HDAC4: variants seen among roughly 807,000 people sequenced by gnomAD.
HDAC4 encodes the protein histone deacetylase 4.
In HDAC4, 16 loss-of-function variants were observed where a neutral mutation model predicts 135.1. The observed-to-expected ratio is 0.12, with a 90% CI of 0.08 to 0.18. HDAC4 has a LOEUF of 0.18. HDAC4 is among the 10% of genes least tolerant of loss of function. The probability of loss-of-function intolerance (pLI) is 1.00; values close to 1 mark genes in which losing one functional copy is unlikely to be tolerated. For synonymous variants in HDAC4, 685 were observed against 653.4 expected (o/e 1.05, Z -0.74); for missense variants, 1,143 against 1,511.8 (o/e 0.76, Z 4.05).
At chr2:239,384,451 CA>C (rs5839742) in intron 1 of HDAC4, among the ~76,000 whole-genome samples, 46,675 of 94,782 alleles carry the variant, frequency 0.49, 9,077 homozygotes, top group East Asian at 0.75. Context: ...CCTGTCTCTA[CA>C]AAAAAAAAAA....
At chr2:239,182,731 C>T (rs956049943) in intron 4 of HDAC4, among the ~76,000 whole-genome samples, 8 of 152,202 alleles carry the variant, frequency 5.3e-5, no homozygotes, top group East Asian at 1.9e-4. Flanking sequence ...CAAGCTGAGA[C>T]GTCAGGCCTG....
At chr2:239,128,877 G>A (rs2040378379) in intron 11 of HDAC4, among the ~76,000 whole-genome samples, 2 of 152,026 alleles carry the variant, frequency 1.3e-5, no homozygotes, top group African/African-American at 4.8e-5. Flanking sequence ...ACACGGTAAG[G>A]AACAAGCGAC....
In HDAC4 at chr2:239,135,143, G is replaced by A. The variant is rs568115371; in HGVS notation, c.979-500C>T. Among the ~76,000 whole-genome samples the A allele has an allele frequency of 1.1e-4, 17 of 152,284 alleles. No homozygotes were observed. The East Asian group carries it at 2.3e-3, about 21-fold the overall frequency. ...GTTTGTTACACAAAGGATAAGCACC[G>A]GAGAGGATGGACATCCCACACTTCG... On this transcript the variant is annotated intron_variant, in intron 9 of 26. Coordinates refer to ENST00000543185, the MANE Select transcript of HDAC4 (RefSeq NM_001378414.1).
intron 7 of HDAC4, among the ~76,000 whole-genome samples, chr2:239,149,662 A>C (rs1469640182): frequency 6.6e-6 from 1 of 152,210 alleles, no homozygotes; most frequent in Non-Finnish European, 1.5e-5. Flanking sequence ...CCCGCTGCCC[A>C]GCTCCGGGGC....
In HDAC4 at chr2:239,058,178, A is replaced by T. The variant is rs138381290; in HGVS notation, c.3004-3345T>A. ...CATGGAGGTGGGAGTGAGGATGCTG[A>T]CTGTGTTGACAATACATGCTCCAAT... On this transcript the variant is annotated intron_variant, in intron 24 of 26. Coordinates refer to ENST00000543185, the MANE Select transcript of HDAC4 (RefSeq NM_001378414.1). Among the ~76,000 whole-genome samples, 13 of 152,320 alleles carry T rather than the reference A, an allele frequency of 8.5e-5. No homozygotes were observed. In the East Asian group the frequency reaches 2.1e-3, roughly 25 times the overall value.
At chr2:239,318,718 A>G (rs2053202986) in intron 2 of HDAC4, among the ~76,000 whole-genome samples, 1 of 152,098 alleles carries the variant, frequency 6.6e-6, no homozygotes, top group Non-Finnish European at 1.5e-5. Flanking sequence ...ATCAATAAAC[A>G]GTAATTCTTT....
In HDAC4 at chr2:239,052,858, C is replaced by T. The variant is rs1015355487; in HGVS notation, c.*239G>A. On this transcript the variant is annotated 3_prime_UTR_variant, in exon 27 of 27. Coordinates refer to ENST00000543185, the MANE Select transcript of HDAC4 (RefSeq NM_001378414.1). Reference sequence around the variant, plus strand: ...TGGCTTCCGCGTGTCCGTGTGTCTGCGCGTCGCCGGCGTCTGTCCCGTGTT... The same window carrying T: ...TGGCTTCCGCGTGTCCGTGTGTCTGTGCGTCGCCGGCGTCTGTCCCGTGTT... 6.3e-5 allele frequency: 36 copies of T among 572,282 alleles called. No individual in the cohort carries two copies. Among genetic ancestry groups the T allele is most frequent in the East Asian group, 5.0e-4 (17 of 34,336 alleles). The allele number at this position is 572,282 out of a possible 1,614,324, so 35.5% of individuals were successfully genotyped here.
At chr2:239,344,837 T>C (rs1025995008) in intron 2 of HDAC4, among the ~76,000 whole-genome samples, 1 of 152,150 alleles carries the variant, frequency 6.6e-6, no homozygotes, top group Non-Finnish European at 1.5e-5. Flanking sequence ...GGCATTTCTG[T>C]TGTCCTTCTC....
At chr2:239,102,075 G>T (rs2037713213) in intron 16 of HDAC4, among the ~76,000 whole-genome samples, 1 of 102,876 alleles carries the variant, frequency 9.7e-6, no homozygotes, top group Non-Finnish European at 2.2e-5. Flanking sequence ...TCCACGTTCT[G>T]TGCCCTGGAA....
At chr2:239,100,501 GTGCCTCACAC>G (rs1185676359) in intron 16 of HDAC4, among the ~76,000 whole-genome samples, 1 of 152,174 alleles carries the variant, frequency 6.6e-6, no homozygotes, top group Non-Finnish European at 1.5e-5. Context: ...AGCTGGGTTA[GTGCCTCACAC>G]TGTCTGCCCC....
rs1431600966 is a variant in HDAC4, at chr2:239,139,891, T to G, written c.866-95A>C. On this transcript the variant is annotated intron_variant, in intron 8 of 26. Coordinates refer to ENST00000543185, the MANE Select transcript of HDAC4 (RefSeq NM_001378414.1). The surrounding 1 kb of genome is among the most constrained non-coding windows in gnomAD (Gnocchi z 5.3). Reference sequence around the variant, plus strand: ...GAATGCCCGGTGCCTTCCACGGACCTGCTCGTTAGCTTGCGACAGGCAGAA... The same window carrying G: ...GAATGCCCGGTGCCTTCCACGGACCGGCTCGTTAGCTTGCGACAGGCAGAA... 1.1e-6 allele frequency: 1 copy of G among 945,452 alleles called. No homozygotes were observed. The highest frequency in any genetic ancestry group is 1.3e-5 in the South Asian group (1 of 75,100). 58.6% of individuals were successfully genotyped at this position (945,452 alleles called of 1,614,324 possible).
At chr2:239,080,420 C>T (rs1281609043) in intron 22 of HDAC4, among the ~76,000 whole-genome samples, 1 of 152,230 alleles carries the variant, frequency 6.6e-6, no homozygotes, top group Non-Finnish European at 1.5e-5. Flanking sequence ...TGGGCTGCTG[C>T]CCTGGACGCC....
At chr2:239,221,609 G>GACACAC (rs3838519) in intron 3 of HDAC4, among the ~76,000 whole-genome samples, 34 of 148,988 alleles carry the variant, frequency 2.3e-4, no homozygotes, top group Admixed American at 4.0e-4. Context: ...CTGAGAGTGG[G>GACACAC]ACACACACAC....
At chr2:239,203,924 G>T (rs568670525) in intron 3 of HDAC4, among the ~76,000 whole-genome samples, 1 of 152,226 alleles carries the variant, frequency 6.6e-6, no homozygotes, top group Admixed American at 6.5e-5. Flanking sequence ...GTTCTCCACT[G>T]AAGAGGGAGA....
intron 1 of HDAC4, among the ~76,000 whole-genome samples, chr2:239,366,480 C>T (rs193064319): frequency 1.3e-5 from 2 of 152,318 alleles, no homozygotes; most frequent in African/African-American, 2.4e-5. Flanking sequence ...TGCCAGTCTG[C>T]GTAAGCATAA....
At chr2:239,196,951 C>T (rs1191705685) in intron 3 of HDAC4, among the ~76,000 whole-genome samples, 2 of 152,200 alleles carry the variant, frequency 1.3e-5, no homozygotes, top group African/African-American at 2.4e-5. Context: ...CGAAGCTGTG[C>T]CACTCACCCC....
Position 239,139,544 on chromosome 2 carries a change from G to A in HDAC4, c.978+140C>T. On this transcript the variant is annotated intron_variant, in intron 9 of 26. Coordinates refer to ENST00000543185, the MANE Select transcript of HDAC4 (RefSeq NM_001378414.1). This position sits in a 1 kb window ranked among gnomAD's most constrained non-coding sequence, Gnocchi z 5.3. ...TAACCTCCAACTGCGTCCTTTTTAG[G>A]ATGGCTCACAGGCCACTTTCCCTCA... is the stretch of plus-strand genomic sequence containing the variant. The A allele has an allele frequency of 2.5e-6, 2 of 804,156 alleles. No homozygotes were observed. Among genetic ancestry groups the A allele is most frequent in the African/African-American group, 3.3e-5 (2 of 59,748 alleles). The allele number at this position is 804,156 out of a possible 1,614,324, so 49.8% of individuals were successfully genotyped here.
chr2:239,103,920 A>C (rs1559433611), intron 15 of HDAC4, among the ~76,000 whole-genome samples: 1 of 152,274 alleles, frequency 6.6e-6, no homozygotes, highest in African/African-American at 2.4e-5. Flanking sequence ...CCCCGCCCAC[A>C]GGGGAGAGAC....
chr2:239,355,981 A>T (rs1239007287), intron 1 of HDAC4, among the ~76,000 whole-genome samples: 1 of 152,266 alleles, frequency 6.6e-6, no homozygotes, highest in Non-Finnish European at 1.5e-5. Flanking sequence ...TCACTATAAT[A>T]GAAATGTTCT....
Sources: gnomAD v4.1 joint callset for allele counts (sites outside exome capture counted in the v4.1 genomes callset) on GRCh38, gnomAD v4.1.1 for gene constraint, Gnocchi (gnomAD v3.1) non-coding constraint, MANE v1.5 for transcripts, NCBI Gene and HGNC (gene_info 2026-07-23, HGNC 2026-07-21) for gene names.